The following DPYSL3 variants were observed in gnomAD, a reference collection of about 807,000 sequenced individuals.
The protein encoded by DPYSL3 is dihydropyrimidinase like 3.
DPYSL3 carries 16 observed loss-of-function variants against 66.1 expected under a neutral mutation model. That is an observed-to-expected ratio of 0.24 (90% confidence interval 0.16 to 0.37). The LOEUF (loss-of-function observed/expected upper bound fraction) is 0.37. DPYSL3 is among the 10% of genes least tolerant of loss of function. The probability of loss-of-function intolerance (pLI) is 1.00; values close to 1 mark genes in which losing one functional copy is unlikely to be tolerated. For missense variants in DPYSL3, 738 were observed against 916.2 expected (o/e 0.81, Z 2.51); for synonymous variants, 338 against 345.1 (o/e 0.98, Z 0.23).
intron 13 of DPYSL3, 42 bp from the exon 14 acceptor site, chr5:147,394,165 A>G: frequency 2.5e-6 from 4 of 1,597,830 alleles, no homozygotes; most frequent in Non-Finnish European, 3.4e-6. Context: ...AAAAAAACAG[A>G]GTGGCGGGTA....
chr5:147,440,510 G>A (rs966079668), intron 1 of DPYSL3, among the ~76,000 whole-genome samples: 4 of 152,162 alleles, frequency 2.6e-5, no homozygotes, highest in Non-Finnish European at 5.9e-5. Context: ...AGTGACAGTT[G>A]TTGATTCTCT....
intron 1 of DPYSL3, among the ~76,000 whole-genome samples, chr5:147,461,930 C>T (rs376420070): frequency 4.6e-5 from 7 of 152,212 alleles, no homozygotes; most frequent in East Asian, 1.9e-4. Context: ...GCTCCAAAAC[C>T]GAACCCCTAC....
chr5:147,406,842 G>A (rs142521107), intron 7 of DPYSL3, among the ~76,000 whole-genome samples: 4 of 152,280 alleles, frequency 2.6e-5, no homozygotes, highest in African/African-American at 7.2e-5. Context: ...GATGCCCAAT[G>A]GCTGTATAAT....
intron 1 of DPYSL3, among the ~76,000 whole-genome samples, chr5:147,465,393 G>A (rs925773345): frequency 1.6e-4 from 25 of 151,910 alleles, no homozygotes; most frequent in African/African-American, 3.4e-4. Flanking sequence ...TCCACCTCCC[G>A]GATTCAAGCG....
At chr5:147,405,929 T>C (rs1561775171) in intron 7 of DPYSL3, 199 bp from the exon 8 acceptor site, 1 of 550,300 alleles carries the variant, frequency 1.8e-6, no homozygotes, top group East Asian at 3.1e-5. Flanking sequence ...TCCCAGTGCC[T>C]CTATCCCTCA....
At chr5:147,439,012 C>A (rs1179795202) in intron 1 of DPYSL3, among the ~76,000 whole-genome samples, 1 of 152,152 alleles carries the variant, frequency 6.6e-6, no homozygotes, top group African/African-American at 2.4e-5. Flanking sequence ...AGACTAACAG[C>A]CTTTTGATAA....
chr5:147,450,779 C>CA lies in DPYSL3; in HGVS notation c.382-25817dup, dbSNP rs1004892139. ...TGGTAGAAAGTAGTTCCCAGGAAGG[C>CA]AAAGGGTACCAGGCCAAGAAAGACT... On this transcript the variant is annotated intron_variant, in intron 1 of 13. Coordinates refer to ENST00000343218, the MANE Select transcript of DPYSL3 (RefSeq NM_001197294.2). 1.1e-4 allele frequency among the ~76,000 whole-genome samples: 16 copies of CA among 152,298 alleles called. 1 individual carries two copies. The highest frequency in any genetic ancestry group is 3.4e-3 in the Middle Eastern group (1 of 294).
intron 8 of DPYSL3, among the ~76,000 whole-genome samples, chr5:147,403,368 G>A (rs1484196207): frequency 6.6e-6 from 1 of 152,110 alleles, no homozygotes; most frequent in Non-Finnish European, 1.5e-5. Context: ...AAAAGTGGAA[G>A]AAATCTCCCT....
rs1192917160 is a variant in DPYSL3 at position 147,393,905 on chromosome 5, A to C, written c.*130T>G. 4 of 892,712 alleles carry C rather than the reference A, an allele frequency of 4.5e-6. No homozygotes were observed. Among genetic ancestry groups the C allele is most frequent in the Non-Finnish European group, 7.0e-6 (4 of 574,466 alleles). 55.3% of individuals were successfully genotyped at this position (892,712 alleles called of 1,614,324 possible). A position where few individuals can be genotyped will look rare whatever the true frequency, so the allele number is the denominator to read the frequency against. ...GCGAGCGTAACATTGGAGAAACATA[A>C]GGCTTGAGGCTTATTGATTCTTTAG... On this transcript the variant is annotated 3_prime_UTR_variant, in exon 14 of 14. Coordinates refer to ENST00000343218, the MANE Select transcript of DPYSL3 (RefSeq NM_001197294.2).
At chr5:147,424,369 T>C (rs887609690) in intron 2 of DPYSL3, among the ~76,000 whole-genome samples, 1 of 152,210 alleles carries the variant, frequency 6.6e-6, no homozygotes, top group Non-Finnish European at 1.5e-5. Context: ...TACCTGGCTG[T>C]GCCACTTACA....
chr5:147,468,077 A>G (rs150797221), intron 1 of DPYSL3, among the ~76,000 whole-genome samples: 25 of 152,338 alleles, frequency 1.6e-4, no homozygotes, highest in African/African-American at 5.0e-4. Flanking sequence ...GTTCCAACAT[A>G]TAAATTTCCA....
At chr5:147,453,501 G>C in intron 1 of DPYSL3, 2 of 1,512,546 alleles carry the variant, frequency 1.3e-6, no homozygotes, top group Non-Finnish European at 1.8e-6. Context: ...GCAGCGCAGC[G>C]GACAGGGAGC....
At chr5:147,499,329 G>C (rs1449137322) in intron 1 of DPYSL3, among the ~76,000 whole-genome samples, 1 of 152,148 alleles carries the variant, frequency 6.6e-6, no homozygotes, top group South Asian at 2.1e-4. Flanking sequence ...ATATGCAAAA[G>C]TCACTTGCTT....
intron 1 of DPYSL3, among the ~76,000 whole-genome samples, chr5:147,455,137 C>T (rs1187627815): frequency 6.6e-6 from 1 of 152,134 alleles, no homozygotes; most frequent in Non-Finnish European, 1.5e-5. Flanking sequence ...GACATCTTGT[C>T]ATTAAAGTGA....
intron 1 of DPYSL3, among the ~76,000 whole-genome samples, chr5:147,478,339 C>T (rs1192471334): frequency 6.6e-6 from 1 of 152,148 alleles, no homozygotes; most frequent in Admixed American, 6.5e-5. Context: ...CACATTGCCT[C>T]TGTCAACAAA....
At chr5:147,492,912 G>A (rs1278626336) in intron 1 of DPYSL3, among the ~76,000 whole-genome samples, 1 of 152,122 alleles carries the variant, frequency 6.6e-6, no homozygotes, top group African/African-American at 2.4e-5. Context: ...AATGGATCAA[G>A]AAGCAAGGCT....
At chr5:147,480,712 T>TA (rs1257821370) in intron 1 of DPYSL3, among the ~76,000 whole-genome samples, 2 of 145,942 alleles carry the variant, frequency 1.4e-5, no homozygotes, top group African/African-American at 5.1e-5. Flanking sequence ...TATATTATTA[T>TA]TATTATTATT....
rs2152013040 is a variant in DPYSL3, at chr5:147,393,152, T to A, written c.*883A>T. 6.6e-6 allele frequency: 1 copy of A among 152,170 alleles called. No individual in the cohort carries two copies. The highest frequency in any genetic ancestry group is 1.9e-4 in the East Asian group (1 of 5,144). 9.4% of individuals were successfully genotyped at this position (152,170 alleles called of 1,614,324 possible). On this transcript the variant is annotated 3_prime_UTR_variant, in exon 14 of 14. Transcript: ENST00000343218. ...ACCTCGCCGTGTTTAGAAGGAAGCG[T>A]CTTTAAGCTGTGGGTGCCCTCACCA...
intron 4 of DPYSL3, 39 bp downstream of exon 4, chr5:147,415,670 A>C: frequency 6.3e-7 from 1 of 1,598,936 alleles, no homozygotes; most frequent in Non-Finnish European, 8.5e-7. Context: ...TGGCAAGAAG[A>C]AGCTAAGAGA....
Sources: gnomAD v4.1 joint callset for allele counts (sites outside exome capture counted in the v4.1 genomes callset) on GRCh38, gnomAD v4.1.1 for gene constraint, MANE v1.5 for transcripts, NCBI Gene and HGNC (gene_info 2026-07-23, HGNC 2026-07-21) for gene names.